The following KCNN2 variants were observed in gnomAD, a reference collection of about 807,000 sequenced individuals.
KCNN2 encodes small conductance calcium-activated potassium channel protein 2.
KCNN2 carries 24 observed loss-of-function variants against 55.5 expected under a neutral mutation model. The ratio of observed to expected loss-of-function variants is 0.43; its 90% confidence interval spans 0.31 to 0.61. The LOEUF is 0.61. KCNN2 is among the 20% of genes least tolerant of loss of function. The pLI is 0.08. For missense variants in KCNN2, 754 were observed against 853.6 expected (o/e 0.88, Z 1.45); for synonymous variants, 431 against 336.1 (o/e 1.28, Z -3.09).
intron 1 of KCNN2, among the ~76,000 whole-genome samples, chr5:114,090,412 C>A (rs926011315): frequency 6.6e-6 from 1 of 152,024 alleles, no homozygotes; most frequent in African/African-American, 2.4e-5. Context: ...TTGCAGAGAA[C>A]AGACATAAAT....
At chr5:114,056,822 TTTTA>T (rs1244733597) in intron 1 of KCNN2, among the ~76,000 whole-genome samples, 1 of 152,140 alleles carries the variant, frequency 6.6e-6, no homozygotes, top group African/African-American at 2.4e-5. Context: ...TTATCCAATC[TTTTA>T]TTTATTTTGC....
rs1757449147 is a variant in KCNN2, at chr5:114,362,269, C to T, written c.130C>T (p.Leu44Phe). 1.1e-5 allele frequency: 2 copies of T among 179,386 alleles called. No individual in the cohort carries two copies. Among genetic ancestry groups the T allele is most frequent in the Non-Finnish European group, 2.3e-5 (2 of 86,488 alleles). The allele number at this position is 179,386 out of a possible 1,614,324, so 11.1% of individuals were successfully genotyped here. A position where few individuals can be genotyped will look rare whatever the true frequency, so the allele number is the denominator to read the frequency against. The stretch of plus-strand genomic sequence containing the variant: ...CAAGCCGTGCCCGCCCTTCGCGCCC[C>T]TCCCGCACCCTCACCACCACCCGCA... ...QDKPCPPFAP[L>F]PHPHHHPHLA... Residue 44 changes from leucine to phenylalanine, a missense_variant, in exon 1 of 8, where the codon CTC (leucine) becomes TTC (phenylalanine). Around this residue, in one of 4 missense-constraint regions of KCNN2, gnomAD observed 381 missense variants for 259.1 expected, o/e 1.47. Coordinates refer to ENST00000673685, the MANE Select transcript of KCNN2 (RefSeq NM_021614.4).
chr5:114,080,971 G>A (rs959058046), intron 1 of KCNN2, among the ~76,000 whole-genome samples: 1 of 151,988 alleles, frequency 6.6e-6, no homozygotes, highest in Admixed American at 6.6e-5. Context: ...ACTAAAAGGT[G>A]AATTCAGCAA....
intron 4 of KCNN2, among the ~76,000 whole-genome samples, chr5:114,466,747 G>C (rs1761472984): frequency 6.6e-6 from 1 of 151,874 alleles, no homozygotes; most frequent in Admixed American, 6.6e-5. Flanking sequence ...CATTCCTAGG[G>C]ATGCAGGTTG....
At chr5:114,127,015 T>A (rs1751948358) in intron 1 of KCNN2, among the ~76,000 whole-genome samples, 1 of 152,208 alleles carries the variant, frequency 6.6e-6, no homozygotes, top group African/African-American at 2.4e-5. Context: ...ATGCAAGAGA[T>A]GGGCTCCCAT....
At chr5:114,234,393 C>T (rs1198496702) in intron 2 of KCNN2, among the ~76,000 whole-genome samples, 1 of 152,152 alleles carries the variant, frequency 6.6e-6, no homozygotes, top group Non-Finnish European at 1.5e-5. Flanking sequence ...CAGACATGCA[C>T]AGTTTCCTTT....
chr5:114,182,497 C>T (rs1004439126), intron 1 of KCNN2, among the ~76,000 whole-genome samples: 1 of 152,024 alleles, frequency 6.6e-6, no homozygotes, highest in Admixed American at 6.6e-5. Flanking sequence ...AGCCTTCCAA[C>T]CACTAACATT....
At chr5:114,397,606 TG>T (rs1314093173) in intron 2 of KCNN2, among the ~76,000 whole-genome samples, 1 of 152,086 alleles carries the variant, frequency 6.6e-6, no homozygotes, top group Non-Finnish European at 1.5e-5. Context: ...AGGCTGGTCT[TG>T]AACTCTTGAC....
At chr5:114,428,736 C>T (rs1038738012) in intron 3 of KCNN2, among the ~76,000 whole-genome samples, 11 of 152,038 alleles carry the variant, frequency 7.2e-5, no homozygotes, top group African/African-American at 2.7e-4. Context: ...CTCTATTCTG[C>T]CCCCATAATC....
At chr5:114,476,938 T>A (rs1483433117) in intron 5 of KCNN2, among the ~76,000 whole-genome samples, 1 of 152,218 alleles carries the variant, frequency 6.6e-6, no homozygotes, top group Non-Finnish European at 1.5e-5. Flanking sequence ...TTGATTCCAT[T>A]TGCTTATTTA....
chr5:114,470,339 T>C (rs1761665236), intron 4 of KCNN2, among the ~76,000 whole-genome samples: 1 of 152,210 alleles, frequency 6.6e-6, no homozygotes. Flanking sequence ...TTTTATGACC[T>C]CTGCTTATTA....
At chr5:114,096,032 T>G (rs921548235) in intron 1 of KCNN2, among the ~76,000 whole-genome samples, 1 of 152,146 alleles carries the variant, frequency 6.6e-6, no homozygotes, top group Non-Finnish European at 1.5e-5. Context: ...TTGCCATACC[T>G]TGAAGTCCCC....
At chr5:114,143,736 T>A (rs1752338573) in intron 1 of KCNN2, among the ~76,000 whole-genome samples, 1 of 152,218 alleles carries the variant, frequency 6.6e-6, no homozygotes, top group Non-Finnish European at 1.5e-5. Context: ...GCATTGTCTT[T>A]ACACAATCCT....
intron 2 of KCNN2, among the ~76,000 whole-genome samples, chr5:114,403,148 C>T (rs1277926312): frequency 6.6e-6 from 1 of 152,138 alleles, no homozygotes; most frequent in African/African-American, 2.4e-5. Flanking sequence ...TTGTCCAAAA[C>T]ATTATGGGGA....
intron 2 of KCNN2, among the ~76,000 whole-genome samples, chr5:114,294,991 G>A (rs1353562912): frequency 2.0e-5 from 3 of 152,120 alleles, no homozygotes; most frequent in Non-Finnish European, 4.4e-5. Context: ...GACTAGGATT[G>A]CAACCCCTGC....
At chr5:114,322,387 C>T (rs1756630013) in intron 2 of KCNN2, among the ~76,000 whole-genome samples, 1 of 152,172 alleles carries the variant, frequency 6.6e-6, no homozygotes, top group African/African-American at 2.4e-5. Context: ...CTGAAGTCTA[C>T]TTAGAAGGTA....
intron 3 of KCNN2, among the ~76,000 whole-genome samples, chr5:114,421,099 C>A (rs1759458616): frequency 1.3e-5 from 2 of 152,026 alleles, no homozygotes; most frequent in Admixed American, 1.3e-4. Context: ...ACTTTTCGAT[C>A]TATTTTGCGC....
chr5:114,333,234 C>G (rs1756859445), intron 2 of KCNN2, among the ~76,000 whole-genome samples: 1 of 152,160 alleles, frequency 6.6e-6, no homozygotes, highest in Non-Finnish European at 1.5e-5. Flanking sequence ...GGAAACATGG[C>G]AAACCTGCCA....
At chr5:114,337,139 G>A (rs1756936618) in intron 2 of KCNN2, among the ~76,000 whole-genome samples, 1 of 152,148 alleles carries the variant, frequency 6.6e-6, no homozygotes, top group African/African-American at 2.4e-5. Flanking sequence ...ATGATCACTG[G>A]AACAAAGATA....
Sources: allele counts gnomAD v4.1 joint callset (sites outside exome capture counted in the v4.1 genomes callset), GRCh38; gene constraint gnomAD v4.1.1; regional missense constraint gnomAD v4.1.1; transcripts MANE v1.5; gene names NCBI Gene and HGNC (gene_info 2026-07-23, HGNC 2026-07-21).